PMEPA1: variants seen among roughly 807,000 people sequenced by gnomAD.
PMEPA1 encodes protein TMEPAI.
Under a neutral mutation model 23.0 loss-of-function variants are expected in PMEPA1, and 11 were observed. The observed-to-expected ratio is 0.48, with a 90% confidence interval of 0.30 to 0.79. The LOEUF (loss-of-function observed/expected upper bound fraction) is 0.79. PMEPA1 is among the 30% of genes least tolerant of loss of function. The probability of loss-of-function intolerance (pLI) is 0.06; values close to 1 mark genes in which losing one functional copy is unlikely to be tolerated. For synonymous variants in PMEPA1, 204 were observed against 166.4 expected (o/e 1.23, Z -1.74); for missense variants, 377 against 390.9 (o/e 0.96, Z 0.30).
intron 2 of PMEPA1, among the ~76,000 whole-genome samples, chr20:57,657,352 C>T (rs1030116481): frequency 2.1e-4 from 32 of 152,156 alleles, no homozygotes; most frequent in African/African-American, 7.7e-4. Flanking sequence ...TGAGGGAGGA[C>T]GGAATAGGCT....
intron 1 of PMEPA1, among the ~76,000 whole-genome samples, chr20:57,686,390 C>G (rs2071801490): frequency 1.3e-5 from 2 of 152,166 alleles, no homozygotes; most frequent in Admixed American, 6.5e-5. Context: ...GGTCTGCTCT[C>G]CTTCCTCTGT....
At chr20:57,708,989 G>A (rs1182171229) in intron 1 of PMEPA1, among the ~76,000 whole-genome samples, 2 of 151,746 alleles carry the variant, frequency 1.3e-5, no homozygotes, top group Non-Finnish European at 2.9e-5. Context: ...CAGACGCACG[G>A]ACATCCACTC....
At chr20:57,707,226 CCTTT>C (rs2072102071) in intron 1 of PMEPA1, among the ~76,000 whole-genome samples, 1 of 152,120 alleles carries the variant, frequency 6.6e-6, no homozygotes, top group Admixed American at 6.5e-5. Flanking sequence ...TAGCTTTTTT[CCTTT>C]CTTTTTTCCT....
At position 57,655,203 on chromosome 20, in the gene PMEPA1, G is replaced by A. The variant is rs147161407; in HGVS notation, c.265-2117C>T. ...GCCTTTGGATCTGAGCCCATCCTGG[G>A]TCTGGACCAATGGCCCCTCTTTCCT... On this transcript the variant is annotated intron_variant, in intron 2 of 3. Transcript: ENST00000341744. This position sits in a 1 kb window ranked among gnomAD's most constrained non-coding sequence, Gnocchi z 4.2. Among the ~76,000 whole-genome samples, 623 of 152,290 alleles carry A rather than the reference G, an allele frequency of 4.1e-3. 2 individuals are homozygous for A. Among genetic ancestry groups the A allele is most frequent in the Non-Finnish European group, 6.6e-3 (450 of 68,024 alleles).
At chr20:57,692,084 C>T (rs909116822) in intron 1 of PMEPA1, among the ~76,000 whole-genome samples, 8 of 152,222 alleles carry the variant, frequency 5.3e-5, no homozygotes, top group Non-Finnish European at 1.0e-4. Context: ...ATACTGGCTA[C>T]GTCTTACAAA....
rs7351122 is a variant in PMEPA1 at position 57,651,666 on chromosome 20, C to A, written c.*387G>T. On this transcript the variant is annotated 3_prime_UTR_variant, in exon 4 of 4. Coordinates refer to ENST00000341744, the MANE Select transcript of PMEPA1 (RefSeq NM_020182.5). ...ATATATATTTATATATATAATATTG[C>A]AGATCTTTAAACAAAGGTTTTGTGC... is the stretch of plus-strand genomic sequence containing the variant. 26 of 151,140 alleles carry A rather than the reference C, an allele frequency of 1.7e-4. No individual in the cohort carries two copies. The highest frequency in any genetic ancestry group is 6.1e-4 in the African/African-American group (25 of 41,142). 9.4% of individuals were successfully genotyped at this position (151,140 alleles called of 1,614,324 possible).
chr20:57,667,517 G>A (rs1004006706), intron 1 of PMEPA1, among the ~76,000 whole-genome samples: 2 of 151,972 alleles, frequency 1.3e-5, no homozygotes, highest in African/African-American at 2.4e-5. Context: ...GGCTCCTGCC[G>A]GCCCCATGGA....
At chr20:57,669,654 T>TATTTTTAAAA (rs2146664085) in intron 1 of PMEPA1, among the ~76,000 whole-genome samples, 2 of 152,214 alleles carry the variant, frequency 1.3e-5, no homozygotes, top group African/African-American at 4.8e-5. Context: ...GAACAACAAA[T>TATTTTTAAAA]ATGTTTTTAA....
rs1369834704 is a variant in PMEPA1, at chr20:57,652,324, T to A, written c.593A>T (p.Asp198Val). Residue 198 changes from aspartate to valine, a missense_variant, in exon 4 of 4, where the codon GAT becomes GTT. By Grantham distance (152) the Asp-to-Val change is radical (BLOSUM62 -3). Transcript: ENST00000341744. The surrounding 1 kb of genome is among the most constrained non-coding windows in gnomAD (Gnocchi z 6.1). Reference sequence around the variant, plus strand: ...GCAGGGGCCGCCCAGCCTGGCACTATCCATCAGGTCACTGTCGAAGATGGT... The same window carrying A: ...GCAGGGGCCGCCCAGCCTGGCACTAACCATCAGGTCACTGTCGAAGATGGT... ...NRTIFDSDLM[D>V]SARLGGPCPP... The A allele has an allele frequency of 6.2e-7, 1 of 1,612,298 alleles. No individual in the cohort carries two copies. The highest frequency in any genetic ancestry group is 1.7e-5 in the Admixed American group (1 of 60,026).
At chr20:57,654,620 C>G (rs1429154498) in intron 2 of PMEPA1, among the ~76,000 whole-genome samples, 1 of 152,166 alleles carries the variant, frequency 6.6e-6, no homozygotes, top group Non-Finnish European at 1.5e-5. Flanking sequence ...TCCCCACCAC[C>G]CTTGTTCCAC....
intron 1 of PMEPA1, chr20:57,700,327 T>A: frequency 2.8e-6 from 1 of 352,970 alleles, no homozygotes; most frequent in East Asian, 7.5e-5. Flanking sequence ...TGTTTATTGA[T>A]CTATTTGGTG....
rs1399700997 is a variant in PMEPA1 at position 57,656,032 on chromosome 20, C to T, written c.265-2946G>A. ...CTCCCAGACCCCTCCAGAGTCTTAA[C>T]ACCACGAGGCCAGAACGTAGCTGCC... On this transcript the variant is annotated intron_variant, in intron 2 of 3. Coordinates refer to ENST00000341744, the MANE Select transcript of PMEPA1 (RefSeq NM_020182.5). The surrounding 1 kb of genome is among the most constrained non-coding windows in gnomAD (Gnocchi z 4.7). Among the ~76,000 whole-genome samples, 1 of 152,108 alleles carries T rather than the reference C, an allele frequency of 6.6e-6. No individual in the cohort carries two copies. Among genetic ancestry groups the T allele is most frequent in the African/African-American group, 2.4e-5 (1 of 41,454 alleles).
chr20:57,702,447 G>A (rs1024289315), intron 1 of PMEPA1, among the ~76,000 whole-genome samples: 6 of 152,188 alleles, frequency 3.9e-5, no homozygotes, highest in South Asian at 2.1e-4. Context: ...AATGTCAGCC[G>A]GTGTCTTGCC....
At position 57,652,509 on chromosome 20, in the gene PMEPA1, G is replaced by C; in HGVS notation, c.408C>G (p.Thr136=). Residue 136 remains threonine (T), a synonymous_variant, in exon 4 of 4, where the codon ACC becomes ACG. Transcript: ENST00000341744. This position sits in a 1 kb window ranked among gnomAD's most constrained non-coding sequence, Gnocchi z 6.1. ...QRERFHRFQP[T]YPYLQHEIDL... Reference sequence around the variant, plus strand: ...CGATCTCGTGCTGCAGGTACGGATAGGTGGGCTGGAAGCGGTGGAAGCGCT... The same window carrying C: ...CGATCTCGTGCTGCAGGTACGGATACGTGGGCTGGAAGCGGTGGAAGCGCT... The C allele has an allele frequency of 2.5e-6, 4 of 1,588,686 alleles. No individual in the cohort carries two copies. Among genetic ancestry groups the C allele is most frequent in the Non-Finnish European group, 3.4e-6 (4 of 1,165,518 alleles).
intron 1 of PMEPA1, among the ~76,000 whole-genome samples, chr20:57,694,872 G>T (rs1340197803): frequency 3.3e-5 from 5 of 152,232 alleles, no homozygotes; most frequent in African/African-American, 1.2e-4. Context: ...AAATAGGCCT[G>T]AGAGCCACAA....
rs2072047426 is a variant in PMEPA1, at chr20:57,704,220, G to C, written c.109+5254C>G. On this transcript the variant is annotated intron_variant, in intron 1 of 3. Transcript: ENST00000341744. This position sits in a 1 kb window ranked among gnomAD's most constrained non-coding sequence, Gnocchi z 4.6. ...CACTCAGGGCCCATGTGGCAATGGT[G>C]GGCTGAGCAGTGGCCACAGTGCCTT... 6.6e-6 allele frequency among the ~76,000 whole-genome samples: 1 copy of C among 152,190 alleles called. No individual in the cohort carries two copies. Among genetic ancestry groups the C allele is most frequent in the African/African-American group, 2.4e-5 (1 of 41,456 alleles).
chr20:57,690,578 G>A, intron 1 of PMEPA1: 2 of 1,258,192 alleles, frequency 1.6e-6, no homozygotes, highest in Non-Finnish European at 2.1e-6. Flanking sequence ...CATTGCTATG[G>A]CGGGTGTAGA....
chr20:57,709,994 G>T lies in PMEPA1; in HGVS notation c.-412C>A. 3 of 991,410 alleles carry T rather than the reference G, an allele frequency of 3.0e-6. No homozygotes were observed. The highest frequency in any genetic ancestry group is 1.1e-4 in the East Asian group (1 of 9,012). The allele number at this position is 991,410 out of a possible 1,614,324, so 61.4% of individuals were successfully genotyped here. Reference sequence around the variant, plus strand: ...CGGGTTTCGCTCCGAGACCGCGGTCGGAGGCAGGCAGACGGTCTGACGTCA... The same window carrying T: ...CGGGTTTCGCTCCGAGACCGCGGTCTGAGGCAGGCAGACGGTCTGACGTCA... On this transcript the variant is annotated 5_prime_UTR_variant, in exon 1 of 4. Transcript: ENST00000341744.
At chr20:57,710,084 T>G, upstream of PMEPA1, 1 of 963,772 alleles carries the variant, frequency 1.0e-6, no homozygotes, top group Non-Finnish European at 1.2e-6. Context: ...GCTGCGCCAA[T>G]CCCCGCCGAG....
Sources: allele counts gnomAD v4.1 joint callset (sites outside exome capture counted in the v4.1 genomes callset), GRCh38; gene constraint gnomAD v4.1.1; non-coding constraint Gnocchi (gnomAD v3.1); transcripts MANE v1.5; gene names NCBI Gene and HGNC (gene_info 2026-07-23, HGNC 2026-07-21).